The following CPNE9 variants were observed in gnomAD, a reference collection of about 807,000 sequenced individuals.
CPNE9 encodes copine family member 9, also known as copine-9.
Under a neutral mutation model 83.0 loss-of-function variants are expected in CPNE9, and 59 were observed. The observed-to-expected ratio is 0.71, with a 90% CI of 0.58 to 0.88. The LOEUF (loss-of-function observed/expected upper bound fraction) is 0.88, where lower values mean the gene tolerates loss of function less well. Among genes scored for constraint, CPNE9 ranks in the 40% least tolerant of loss-of-function variants. The pLI, the probability that CPNE9 is intolerant of heterozygous loss-of-function variation, is 0.00. For missense variants in CPNE9, 619 were observed against 720.8 expected (o/e 0.86, Z 1.62); for synonymous variants, 256 against 273.4 (o/e 0.94, Z 0.63).
intron 7 of CPNE9, among the ~76,000 whole-genome samples, chr3:9,709,989 C>CAA (rs542047036): frequency 7.0e-5 from 4 of 57,200 alleles, no homozygotes; most frequent in Non-Finnish European, 1.0e-4. Context: ...GACTCCATCT[C>CAA]AAAAAAAAAA....
At position 9,718,143 on chromosome 3, in the gene CPNE9, T is replaced by C; in HGVS notation, c.1046T>C (p.Leu349Pro). The C allele has an allele frequency of 6.2e-7, 1 of 1,614,034 alleles. No homozygotes were observed. Among genetic ancestry groups the C allele is most frequent in the Non-Finnish European group, 8.5e-7 (1 of 1,179,986 alleles). Residue 349 changes from leucine to proline, a missense_variant, in exon 16 of 21, where the codon CTC becomes CCC. Coordinates refer to ENST00000383832, the MANE Select transcript of CPNE9 (RefSeq NM_153635.3). ...EIIQDYDSDK[L>P]FPAYGFGAKL... ...ATCCAGGACTATGACAGTGATAAGC[T>C]CTTCCCAGCTTATGGCTTTGGGGCC...
intron 20 of CPNE9, among the ~76,000 whole-genome samples, chr3:9,729,290 T>C (rs1444769071): frequency 6.6e-6 from 1 of 152,040 alleles, no homozygotes; most frequent in Non-Finnish European, 1.5e-5. Flanking sequence ...CAATGGCCTG[T>C]GTGAAGCCAA....
Position 9,709,567 on chromosome 3 carries a change from G to A in CPNE9, c.378-2974G>A, listed in dbSNP as rs531189627. ...TAGTTTTTAGTAGAGACGGGGTTTC[G>A]CCACCGTGGCCAGGCTGGTCTTGAA... On this transcript the variant is annotated intron_variant, in intron 7 of 20. Coordinates refer to ENST00000383832, the MANE Select transcript of CPNE9 (RefSeq NM_153635.3). Among the ~76,000 whole-genome samples, 36 of 151,596 alleles carry A rather than the reference G, an allele frequency of 2.4e-4. 1 individual carries two copies. The highest frequency in any genetic ancestry group is 5.2e-4 in the Admixed American group (8 of 15,270).
intron 13 of CPNE9, 49 bp downstream of exon 13, chr3:9,715,575 TC>T: frequency 6.7e-7 from 1 of 1,498,202 alleles, no homozygotes; most frequent in Non-Finnish European, 9.3e-7. Flanking sequence ...TCCGTGTCTG[TC>T]CCCATTGACA....
At chr3:9,708,888 C>A (rs1478052252) in intron 7 of CPNE9, among the ~76,000 whole-genome samples, 3 of 151,582 alleles carry the variant, frequency 2.0e-5, no homozygotes, top group Non-Finnish European at 4.4e-5. Flanking sequence ...CCCGCCTCGG[C>A]CTCCCAAAGT....
intron 7 of CPNE9, among the ~76,000 whole-genome samples, chr3:9,707,895 G>T (rs1282691847): frequency 1.3e-5 from 2 of 151,836 alleles, no homozygotes; most frequent in African/African-American, 4.8e-5. Flanking sequence ...CATATAAAAT[G>T]TTAGACATCC....
At position 9,729,855 on chromosome 3, in the gene CPNE9, C is replaced by G; in HGVS notation, c.*163C>G. On this transcript the variant is annotated 3_prime_UTR_variant, in exon 21 of 21. Coordinates refer to ENST00000383832, the MANE Select transcript of CPNE9 (RefSeq NM_153635.3). ...GCCTCCTTGCCTGCAGAGGGCCTGG[C>G]ACTATCACCACCTCTCTGCCTTCAT... 2 of 893,712 alleles carry G rather than the reference C, an allele frequency of 2.2e-6. No homozygotes were observed. The highest frequency in any genetic ancestry group is 4.0e-5 in the South Asian group (2 of 49,564). 55.4% of individuals were successfully genotyped at this position (893,712 alleles called of 1,614,324 possible).
chr3:9,719,555 T>C (rs905997528), intron 17 of CPNE9, among the ~76,000 whole-genome samples: 6 of 152,222 alleles, frequency 3.9e-5, no homozygotes, highest in African/African-American at 9.6e-5. Flanking sequence ...TGGATGACAA[T>C]AGCAGCTTCC....
intron 20 of CPNE9, chr3:9,727,486 T>A: frequency 1.4e-6 from 1 of 704,234 alleles, no homozygotes; most frequent in Middle Eastern, 2.4e-4. Flanking sequence ...TCCAGAGGAA[T>A]AGCAAATGCC....
In CPNE9 at chr3:9,703,892, G is replaced by C. The variant is rs898438486; in HGVS notation, c.-105G>C. 64 of 957,908 alleles carry C rather than the reference G, an allele frequency of 6.7e-5. No homozygotes were observed. The highest frequency in any genetic ancestry group is 9.2e-5 in the Non-Finnish European group (63 of 682,460). 59.3% of individuals were successfully genotyped at this position (957,908 alleles called of 1,614,324 possible). ...GGCTGGAGCGAGTGCAGCCGCCGCC[G>C]CCGCCGACACCGCGGCACATGGGCC... On this transcript the variant is annotated 5_prime_UTR_variant, in exon 1 of 21. Transcript: ENST00000383832.
chr3:9,712,634 A>G, intron 8 of CPNE9, 30 bp downstream of exon 8: 4 of 1,611,540 alleles, frequency 2.5e-6, no homozygotes, highest in Non-Finnish European at 2.5e-6. Flanking sequence ...TAGACCCAGG[A>G]GCTCCCTTCT....
Position 9,728,300 on chromosome 3 carries a change from C to T in CPNE9, c.1476+1114C>T, listed in dbSNP as rs564323875. Among the ~76,000 whole-genome samples the T allele has an allele frequency of 5.9e-5, 9 of 152,256 alleles. No homozygotes were observed. The South Asian group carries it at 1.9e-3, about 32-fold the overall frequency. On this transcript the variant is annotated intron_variant, in intron 20 of 20. Coordinates refer to ENST00000383832, the MANE Select transcript of CPNE9 (RefSeq NM_153635.3). ...ACCAGGAGTTTGAGACCAGCCTGGACAACATAGCAAGACCTGATCTCTGCT... is the reference window on the plus strand; with the variant it reads ...ACCAGGAGTTTGAGACCAGCCTGGATAACATAGCAAGACCTGATCTCTGCT...
chr3:9,727,142 C>T lies in CPNE9; in HGVS notation c.1432C>T (p.Arg478Cys), dbSNP rs775201502. 13 of 1,613,974 alleles carry T rather than the reference C, an allele frequency of 8.1e-6. No individual in the cohort carries two copies. Among genetic ancestry groups the T allele is most frequent in the African/African-American group, 1.3e-5 (1 of 74,894 alleles). ...AMEELDGDDV[R>C]VSSRGRYAER... The stretch of plus-strand genomic sequence containing the variant: ...GGAAGAGTTGGACGGTGATGATGTG[C>T]GCGTGTCCTCTAGGGGACGCTACGC... Residue 478 changes from arginine (R) to cysteine (C), a missense_variant, in exon 20 of 21, where the codon CGC becomes TGC. By Grantham distance (180) the Arg-to-Cys change is radical. This residue lies in a region of CPNE9 where 438 missense variants were observed against 562.9 expected (regional missense o/e 0.78). Coordinates refer to ENST00000383832, the MANE Select transcript of CPNE9 (RefSeq NM_153635.3).
At chr3:9,707,423 G>A (rs2076575860) in intron 7 of CPNE9, among the ~76,000 whole-genome samples, 1 of 148,568 alleles carries the variant, frequency 6.7e-6, no homozygotes, top group Admixed American at 6.7e-5. Context: ...CCAATGAGAA[G>A]ACTCTGACAG....
rs1486352992 is a variant in CPNE9 at position 9,717,100 on chromosome 3, C to T, written c.927C>T (p.Ser309=). The change falls in exon 15 of 21, where the codon TCC becomes TCT. Residue 309 remains serine, a synonymous_variant. Coordinates refer to ENST00000383832, the MANE Select transcript of CPNE9 (RefSeq NM_153635.3). ...NFTVAIDFTA[S]NGNPLQPTSL... is the part of the protein sequence containing the mutation. Reference sequence around the variant, plus strand: ...CAGTAGCCATTGACTTCACGGCTTCCAATGGTGAGACACGGATGAGTGAAA... The same window carrying T: ...CAGTAGCCATTGACTTCACGGCTTCTAATGGTGAGACACGGATGAGTGAAA... 6 of 1,614,136 alleles carry T rather than the reference C, an allele frequency of 3.7e-6. No homozygotes were observed. The highest frequency in any genetic ancestry group is 1.6e-4 in the Middle Eastern group (1 of 6,062).
Position 9,704,645 on chromosome 3 carries a change from C to T in CPNE9, c.109+18C>T. The T allele has an allele frequency of 1.2e-6, 2 of 1,613,462 alleles. No individual in the cohort carries two copies. Among genetic ancestry groups the T allele is most frequent in the Non-Finnish European group, 1.7e-6 (2 of 1,179,472 alleles). On this transcript the variant is annotated intron_variant, in intron 2 of 20. Transcript: ENST00000383832. The surrounding 1 kb of genome is among the most constrained non-coding windows in gnomAD (Gnocchi z 7.1). The stretch of plus-strand genomic sequence containing the variant: ...CGACCCCAGTAGGCGGCTCCAGGAC[C>T]GGGAGGGGGAACTTGGGGTCTGGGC...
intron 17 of CPNE9, among the ~76,000 whole-genome samples, chr3:9,723,085 C>G (rs557704336): frequency 3.9e-5 from 6 of 152,266 alleles, no homozygotes; most frequent in Non-Finnish European, 5.9e-5. Context: ...TATGCAATTG[C>G]TATTTATGAA....
At position 9,718,598 on chromosome 3, in the gene CPNE9, G is replaced by T; in HGVS notation, c.1237G>T (p.Ala413Ser). The change falls in exon 17 of 21, where the codon GCC becomes TCC. Residue 413 changes from alanine to serine, a missense_variant. Coordinates refer to ENST00000383832, the MANE Select transcript of CPNE9 (RefSeq NM_153635.3). ...TYFAPVINQV[A>S]RAAAKISDGS... ...CTTTGCTCCTGTCATCAACCAAGTG[G>T]CCAGGTAAGGGAACTGGGTGGAAGC... 1 of 1,612,618 alleles carries T rather than the reference G, an allele frequency of 6.2e-7. No homozygotes were observed. Among genetic ancestry groups the T allele is most frequent in the African/African-American group, 1.3e-5 (1 of 74,998 alleles).
chr3:9,718,564 G>A lies in CPNE9; in HGVS notation c.1203G>A (p.Gly401=). The A allele has an allele frequency of 1.2e-6, 2 of 1,613,478 alleles. No homozygotes were observed. Among genetic ancestry groups the A allele is most frequent in the Non-Finnish European group, 1.7e-6 (2 of 1,179,696 alleles). ...GCCTGCGCACAGTGCAGCTCTATGG[G>A]CCCACCTACTTTGCTCCTGTCATCA... ...FQSLRTVQLY[G]PTYFAPVINQ... is the part of the protein sequence containing the mutation. The change falls in exon 17 of 21, where the codon GGG becomes GGA. Residue 401 remains glycine, a synonymous_variant. Transcript: ENST00000383832.
Sources: allele counts gnomAD v4.1 joint callset (sites outside exome capture counted in the v4.1 genomes callset), GRCh38; gene constraint gnomAD v4.1.1; regional missense constraint gnomAD v4.1.1; non-coding constraint Gnocchi (gnomAD v3.1); transcripts MANE v1.5; gene names NCBI Gene and HGNC (gene_info 2026-07-23, HGNC 2026-07-21).